Variants in MYO9A observed in about 807,000 individuals in gnomAD.
The protein encoded by MYO9A is myosin IXA.
A neutral mutation model predicts 293.3 loss-of-function variants in MYO9A; 103 were observed. The observed-to-expected ratio is 0.35, with a 90% CI of 0.30 to 0.41. The LOEUF (loss-of-function observed/expected upper bound fraction) is 0.41. MYO9A is among the 10% of genes least tolerant of loss of function. The pLI is 1.00. For synonymous variants in MYO9A, 1,001 were observed against 1,035.7 expected (o/e 0.97, Z 0.64); for missense variants, 2,685 against 3,033.0 (o/e 0.89, Z 2.69).
At chr15:71,896,058 A>G (rs1041976836) in intron 25 of MYO9A, among the ~76,000 whole-genome samples, 1 of 151,818 alleles carries the variant, frequency 6.6e-6, no homozygotes, top group African/African-American at 2.4e-5. Flanking sequence ...TGCTACACAG[A>G]GTCTTTGAAC....
At chr15:72,044,662 T>C (rs942352673) in intron 2 of MYO9A, among the ~76,000 whole-genome samples, 7 of 152,236 alleles carry the variant, frequency 4.6e-5, no homozygotes, top group Non-Finnish European at 1.0e-4. Flanking sequence ...CCTTTTGACA[T>C]TGGATGGTAT....
At chr15:71,980,191 A>G (rs2043041850) in intron 11 of MYO9A, among the ~76,000 whole-genome samples, 1 of 152,218 alleles carries the variant, frequency 6.6e-6, no homozygotes, top group South Asian at 2.1e-4. Context: ...GTCATTAAAA[A>G]TAACGTCTTA....
intron 5 of MYO9A, among the ~76,000 whole-genome samples, chr15:72,019,967 G>A (rs1239780646): frequency 2.6e-5 from 4 of 152,072 alleles, no homozygotes; most frequent in Non-Finnish European, 4.4e-5. Flanking sequence ...GGCCAGGCTG[G>A]TCTCGAACTC....
At chr15:72,051,061 T>C (rs868266007) in intron 1 of MYO9A, among the ~76,000 whole-genome samples, 1 of 152,178 alleles carries the variant, frequency 6.6e-6, no homozygotes, top group Non-Finnish European at 1.5e-5. Context: ...TGTTTTGTTT[T>C]TGTATTTGTT....
At chr15:71,848,687 T>C (rs2055497927) in intron 39 of MYO9A, among the ~76,000 whole-genome samples, 158 bp downstream of exon 39, 1 of 152,210 alleles carries the variant, frequency 6.6e-6, no homozygotes. Context: ...AGCCAGCAGA[T>C]TAAACATGAG....
chr15:71,830,159 C>T lies in MYO9A; in HGVS notation c.6990G>A (p.Gln2330=), dbSNP rs985708738. 23 of 1,614,050 alleles carry T rather than the reference C, an allele frequency of 1.4e-5. No individual in the cohort carries two copies. Among genetic ancestry groups the T allele is most frequent in the Non-Finnish European group, 1.6e-5 (19 of 1,180,016 alleles). The stretch of plus-strand genomic sequence containing the variant: ...GCTCAGTCAGTACTCTCTCCTCCTG[C>T]TGCATAGCTGCTTGCTGCTGTTCTG... The part of the protein sequence containing the change: ...DITEQQQAAM[Q]QEERVLTEQI... Residue 2330 remains glutamine (Q), a synonymous_variant, in exon 40 of 42, where the codon CAG becomes CAA. Coordinates refer to ENST00000356056, the MANE Select transcript of MYO9A (RefSeq NM_006901.4).
chr15:71,845,080 C>T (rs1043332375), intron 39 of MYO9A, among the ~76,000 whole-genome samples: 1 of 152,276 alleles, frequency 6.6e-6, no homozygotes, highest in African/African-American at 2.4e-5. Context: ...CTGTTGAGTG[C>T]CTTTTGTTAA....
chr15:72,107,656 A>G (rs28716123), intron 1 of MYO9A, among the ~76,000 whole-genome samples: 2 of 152,096 alleles, frequency 1.3e-5, no homozygotes, highest in African/African-American at 4.8e-5. Flanking sequence ...CCAAGTCTAA[A>G]GCAGGAAAAG....
chr15:71,965,804 G>A (rs1453836027), intron 13 of MYO9A, among the ~76,000 whole-genome samples: 1 of 152,084 alleles, frequency 6.6e-6, no homozygotes, highest in East Asian at 1.9e-4. Flanking sequence ...CTGTTGAACT[G>A]GCCCCTTTTA....
At chr15:71,918,124 C>A (rs551608489) in intron 18 of MYO9A, among the ~76,000 whole-genome samples, 2 of 151,980 alleles carry the variant, frequency 1.3e-5, no homozygotes, top group Non-Finnish European at 2.9e-5. Context: ...AAGGAAAATG[C>A]CATTTCTTTT....
At chr15:71,954,972 G>A (rs2059144479) in intron 14 of MYO9A, among the ~76,000 whole-genome samples, 1 of 152,112 alleles carries the variant, frequency 6.6e-6, no homozygotes, top group Admixed American at 6.6e-5. Flanking sequence ...TCAGTTTGAT[G>A]AATTTAAACA....
intron 6 of MYO9A, 80 bp downstream of exon 6, chr15:72,018,959 C>A: frequency 1.8e-6 from 2 of 1,116,312 alleles, no homozygotes; most frequent in Non-Finnish European, 2.7e-6. Flanking sequence ...GATTTGCATT[C>A]TAAATCTTCA....
chr15:71,895,207 T>C (rs1422809343), intron 25 of MYO9A, among the ~76,000 whole-genome samples: 4 of 152,232 alleles, frequency 2.6e-5, no homozygotes, highest in Non-Finnish European at 5.9e-5. Flanking sequence ...CTTCTGGCTA[T>C]CAAAATCTCT....
chr15:72,109,325 G>A (rs537838259), intron 1 of MYO9A, among the ~76,000 whole-genome samples: 11 of 151,746 alleles, frequency 7.2e-5, no homozygotes, highest in African/African-American at 2.4e-4. Flanking sequence ...AGGAGGTGGA[G>A]CATGCAGTGA....
At chr15:71,874,277 T>G (rs2056611220) in intron 32 of MYO9A, among the ~76,000 whole-genome samples, 1 of 152,190 alleles carries the variant, frequency 6.6e-6, no homozygotes, top group Non-Finnish European at 1.5e-5. Context: ...ATGATAAATA[T>G]TCTACAATTA....
chr15:71,922,775 A>C (rs2058188436), intron 18 of MYO9A, among the ~76,000 whole-genome samples: 1 of 152,178 alleles, frequency 6.6e-6, no homozygotes, highest in Non-Finnish European at 1.5e-5. Flanking sequence ...TGGGGAGCAA[A>C]TATGTACAAA....
chr15:72,009,197 T>C (rs1256301633), intron 7 of MYO9A, among the ~76,000 whole-genome samples: 2 of 152,154 alleles, frequency 1.3e-5, no homozygotes, highest in African/African-American at 4.8e-5. Context: ...AAAAATGATT[T>C]TTAATAGAAA....
At chr15:72,008,052 G>A (rs574831770) in intron 7 of MYO9A, 100 bp from the exon 8 acceptor site, 15 of 1,370,876 alleles carry the variant, frequency 1.1e-5, no homozygotes, top group Admixed American at 7.5e-5. Context: ...CAAATATGAA[G>A]TATTTAGTCT....
intron 1 of MYO9A, among the ~76,000 whole-genome samples, chr15:72,092,253 T>C (rs749918188): frequency 1.3e-5 from 2 of 152,126 alleles, no homozygotes; most frequent in African/African-American, 4.8e-5. Context: ...CTGGAACCAG[T>C]AAAATGAACA....
Sources: gnomAD v4.1 joint callset for allele counts (sites outside exome capture counted in the v4.1 genomes callset) on GRCh38, gnomAD v4.1.1 for gene constraint, MANE v1.5 for transcripts, NCBI Gene and HGNC (gene_info 2026-07-23, HGNC 2026-07-21) for gene names.